Variants in CADPS2 observed in about 807,000 individuals in gnomAD.
CADPS2 encodes calcium-dependent secretion activator 2.
CADPS2 carries 93 observed loss-of-function variants against 172.5 expected under a neutral mutation model. The observed-to-expected ratio is 0.54, with a 90% CI of 0.46 to 0.64. The LOEUF (loss-of-function observed/expected upper bound fraction) is 0.64, where lower values mean the gene tolerates loss of function less well. Ranked by LOEUF, CADPS2 falls within the 30% of genes least tolerant of loss-of-function variation. The pLI, the probability that CADPS2 is intolerant of heterozygous loss-of-function variation, is 0.00. For synonymous variants in CADPS2, 546 were observed against 555.2 expected (o/e 0.98, Z 0.23); for missense variants, 1,420 against 1,565.9 (o/e 0.91, Z 1.57).
chr7:122,873,480 C>A (rs913751918), intron 1 of CADPS2, among the ~76,000 whole-genome samples: 1 of 152,048 alleles, frequency 6.6e-6, no homozygotes, highest in East Asian at 1.9e-4. Context: ...TTCATCCATG[C>A]CCCTGCAAAG....
chr7:122,549,923 C>A (rs2064042359), intron 8 of CADPS2, among the ~76,000 whole-genome samples: 1 of 152,174 alleles, frequency 6.6e-6, no homozygotes, highest in African/African-American at 2.4e-5. Context: ...TGAGCAAATA[C>A]TACCTCGACG....
At chr7:122,444,396 T>C (rs564790871) in intron 15 of CADPS2, among the ~76,000 whole-genome samples, 3 of 152,170 alleles carry the variant, frequency 2.0e-5, no homozygotes, top group African/African-American at 7.2e-5. Context: ...TTTTCCAAAG[T>C]AGGTTGTAGC....
intron 11 of CADPS2, among the ~76,000 whole-genome samples, chr7:122,487,852 G>A (rs1489473258): frequency 6.6e-6 from 1 of 152,100 alleles, no homozygotes; most frequent in East Asian, 1.9e-4. Context: ...CACTTACATG[G>A]TATGCAGTAA....
intron 2 of CADPS2, among the ~76,000 whole-genome samples, chr7:122,674,619 C>G (rs1283163896): frequency 6.6e-6 from 1 of 152,236 alleles, no homozygotes; most frequent in Non-Finnish European, 1.5e-5. Context: ...AACAAGGCTT[C>G]AAACATACTT....
In CADPS2 at chr7:122,361,478, C is replaced by T. The variant is rs1447780972; in HGVS notation, c.3388-465G>A. Among the ~76,000 whole-genome samples, 8 of 152,022 alleles carry T rather than the reference C, an allele frequency of 5.3e-5. No individual in the cohort carries two copies. The South Asian group carries it at 1.5e-3, about 28-fold the overall frequency. On this transcript the variant is annotated intron_variant, in intron 25 of 29. Transcript: ENST00000449022. Reference sequence around the variant, plus strand: ...CAAACTCCTGACCTTGTGATCCACCCGCCTTGGCCTCCCAAAGTACTGGGA... The same window carrying T: ...CAAACTCCTGACCTTGTGATCCACCTGCCTTGGCCTCCCAAAGTACTGGGA...
chr7:122,441,079 G>C (rs2051288386), intron 16 of CADPS2, among the ~76,000 whole-genome samples: 1 of 152,090 alleles, frequency 6.6e-6, no homozygotes, highest in Non-Finnish European at 1.5e-5. Context: ...GATGAATATT[G>C]AATGAATGAA....
At chr7:122,800,434 A>G (rs1204578282) in intron 1 of CADPS2, among the ~76,000 whole-genome samples, 1 of 152,216 alleles carries the variant, frequency 6.6e-6, no homozygotes, top group Non-Finnish European at 1.5e-5. Context: ...ACAAAAACTG[A>G]TCAAGTTCCA....
At chr7:122,511,572 C>A (rs575779878) in intron 9 of CADPS2, among the ~76,000 whole-genome samples, 2 of 152,120 alleles carry the variant, frequency 1.3e-5, no homozygotes, top group Non-Finnish European at 2.9e-5. Flanking sequence ...TTCTTTCATG[C>A]CTATTTCCAC....
At chr7:122,432,336 T>A (rs2050040854) in intron 17 of CADPS2, among the ~76,000 whole-genome samples, 1 of 152,046 alleles carries the variant, frequency 6.6e-6, no homozygotes, top group Middle Eastern at 3.2e-3. Flanking sequence ...TGAAGCAGTA[T>A]AAATAGAAAG....
chr7:122,722,308 A>C (rs1429870401), intron 2 of CADPS2, among the ~76,000 whole-genome samples: 2 of 152,076 alleles, frequency 1.3e-5, no homozygotes, highest in African/African-American at 2.4e-5. Context: ...GTCTCAGCCC[A>C]AAATCTCCTT....
At chr7:122,675,580 T>C (rs1213821841) in intron 2 of CADPS2, among the ~76,000 whole-genome samples, 1 of 152,074 alleles carries the variant, frequency 6.6e-6, no homozygotes, top group Admixed American at 6.6e-5. Context: ...AACATATGTG[T>C]GCATATGTCT....
intron 2 of CADPS2, among the ~76,000 whole-genome samples, chr7:122,734,296 A>G (rs1464196419): frequency 2.8e-5 from 4 of 142,026 alleles, no homozygotes; most frequent in Admixed American, 1.5e-4. Context: ...TGCCCACAGT[A>G]CCTGACATAG....
rs1312399285 is a variant in CADPS2 at position 122,401,095 on chromosome 7, C to CACTA, written c.2746+6441_2746+6444dup. ...CTTCACTCTCCTTGTTAATTATTAA[C>CACTA]ACTAGCCTTTTTATCCTCATGAGAC... On this transcript the variant is annotated intron_variant, in intron 20 of 29. Coordinates refer to ENST00000449022, the MANE Select transcript of CADPS2 (RefSeq NM_017954.11). 2.6e-5 allele frequency among the ~76,000 whole-genome samples: 4 copies of CACTA among 152,308 alleles called. No individual in the cohort carries two copies. In the East Asian group the frequency reaches 7.7e-4, roughly 29 times the overall value.
intron 8 of CADPS2, among the ~76,000 whole-genome samples, chr7:122,552,775 GTTTTT>G (rs61517518): frequency 7.3e-6 from 1 of 137,096 alleles, no homozygotes; most frequent in Non-Finnish European, 1.6e-5. Flanking sequence ...ATAGGTTCCT[GTTTTT>G]TTTTTTTTTT....
intron 14 of CADPS2, among the ~76,000 whole-genome samples, chr7:122,453,660 C>T (rs2053410448): frequency 6.6e-6 from 1 of 152,152 alleles, no homozygotes; most frequent in East Asian, 1.9e-4. Flanking sequence ...AGCTACCTGG[C>T]AGATGCTATG....
chr7:122,642,387 C>T (rs932594350), intron 3 of CADPS2, among the ~76,000 whole-genome samples: 12 of 152,016 alleles, frequency 7.9e-5, no homozygotes, highest in Non-Finnish European at 1.8e-4. Flanking sequence ...TCTCCTGTTG[C>T]ATGGGAGCAG....
At chr7:122,855,096 T>A (rs1177803208) in intron 1 of CADPS2, among the ~76,000 whole-genome samples, 1 of 152,152 alleles carries the variant, frequency 6.6e-6, no homozygotes, top group African/African-American at 2.4e-5. Flanking sequence ...TTGATCCCCA[T>A]CTGCTGTAGT....
Position 122,333,737 on chromosome 7 carries a change from T to C in CADPS2, c.3613-8156A>G, listed in dbSNP as rs142882805. On this transcript the variant is annotated intron_variant, in intron 28 of 29. Transcript: ENST00000449022. ...TAAAAATATTGCACAATGTAGTTCA[T>C]GTCTCCCTCAATCAGCTGTGAGTAT... Among the ~76,000 whole-genome samples, 35 of 152,340 alleles carry C rather than the reference T, an allele frequency of 2.3e-4. No individual in the cohort carries two copies. The East Asian group carries it at 6.6e-3, about 29-fold the overall frequency.
At chr7:122,667,214 T>G (rs74522435) in intron 2 of CADPS2, among the ~76,000 whole-genome samples, 1 of 152,208 alleles carries the variant, frequency 6.6e-6, no homozygotes, top group Non-Finnish European at 1.5e-5. Flanking sequence ...TTGAGAAATT[T>G]AGTAATGTAT....
Sources: allele counts gnomAD v4.1 joint callset (sites outside exome capture counted in the v4.1 genomes callset), GRCh38; gene constraint gnomAD v4.1.1; transcripts MANE v1.5; gene names NCBI Gene and HGNC (gene_info 2026-07-23, HGNC 2026-07-21).